The following SLC25A31 variants were observed in gnomAD, a reference collection of about 807,000 sequenced individuals.
SLC25A31 encodes the protein ADP/ATP translocase 4.
A neutral mutation model predicts 36.2 loss-of-function variants in SLC25A31; 40 were observed. The observed-to-expected ratio is 1.10, with a 90% CI of 0.86 to 1.44. The LOEUF (loss-of-function observed/expected upper bound fraction) is 1.44. SLC25A31 is among the 40% of genes most tolerant of loss of function. The pLI, the probability that SLC25A31 is intolerant of heterozygous loss-of-function variation, is 0.00. For missense variants in SLC25A31, 350 were observed against 397.1 expected (o/e 0.88, Z 1.01); for synonymous variants, 143 against 149.7 (o/e 0.96, Z 0.32).
intron 5 of SLC25A31, among the ~76,000 whole-genome samples, chr4:127,769,892 G>T (rs1732320200): frequency 6.6e-6 from 1 of 152,198 alleles, no homozygotes; most frequent in Admixed American, 6.5e-5. Flanking sequence ...GGATAGCCAG[G>T]TCATAAGTTT....
chr4:127,735,887 TA>T (rs1480588715), intron 1 of SLC25A31, among the ~76,000 whole-genome samples: 23,693 of 91,334 alleles, frequency 0.26, 3,237 homozygotes, highest in South Asian at 0.46. Context: ...TTTATTTATT[TA>T]TTTATTTATT....
At chr4:127,773,021 G>A (rs1418955864) in intron 5 of SLC25A31, among the ~76,000 whole-genome samples, 2 of 151,960 alleles carry the variant, frequency 1.3e-5, no homozygotes, top group Non-Finnish European at 2.9e-5. Context: ...GGGCTCAAGC[G>A]ATCTTCCTGT....
At chr4:127,760,428 C>A (rs765460761) in intron 2 of SLC25A31, among the ~76,000 whole-genome samples, 1 of 152,150 alleles carries the variant, frequency 6.6e-6, no homozygotes, top group Non-Finnish European at 1.5e-5. Context: ...TTGTTCCAAT[C>A]TAACTCCCAA....
chr4:127,745,844 GT>G (rs1437966577), intron 2 of SLC25A31, among the ~76,000 whole-genome samples: 4 of 152,150 alleles, frequency 2.6e-5, no homozygotes, highest in Non-Finnish European at 5.9e-5. Flanking sequence ...ACATGTGAAG[GT>G]TTGCTTTATA....
rs1295992887 is a variant in SLC25A31 at position 127,767,307 on chromosome 4, TA to T, written c.633+89del. 26 of 1,146,060 alleles carry T rather than the reference TA, an allele frequency of 2.3e-5. No individual in the cohort carries two copies. The African/African-American group carries it at 4.0e-4, about 18-fold the overall frequency. 71.0% of individuals were successfully genotyped at this position (1,146,060 alleles called of 1,614,324 possible). ...ATGTTTTCAGCAGATATGTTACTTT[TA>T]ATTATAAAAATAAAAATCAGTGATG... On this transcript the variant is annotated intron_variant, in intron 4 of 5. Transcript: ENST00000281154.
intron 2 of SLC25A31, among the ~76,000 whole-genome samples, chr4:127,756,210 T>C (rs903032798): frequency 6.6e-6 from 1 of 152,256 alleles, no homozygotes; most frequent in East Asian, 1.9e-4. Context: ...CATGAGCAGA[T>C]GAATGGATAA....
chr4:127,765,425 T>G (rs1196483087), intron 3 of SLC25A31, among the ~76,000 whole-genome samples: 2 of 152,210 alleles, frequency 1.3e-5, no homozygotes, highest in African/African-American at 4.8e-5. Context: ...TTCTGTCATG[T>G]TCTCTTATTG....
Position 127,768,827 on chromosome 4 carries a change from G to A in SLC25A31, c.709G>A (p.Gly237Arg). The change falls in exon 5 of 6, where the codon GGA becomes AGA. Residue 237 changes from glycine to arginine, a missense_variant. Physicochemically the swap from Gly to Arg is moderately radical, Grantham distance 125 (BLOSUM62 -2). Transcript: ENST00000281154. Reference protein sequence around the residue: ...FIAQVVTTCSGILSYPFDTVR... With the variant: ...FIAQVVTTCSRILSYPFDTVR... ...TGCTCAAGTTGTGACTACATGCTCT[G>A]GAATACTTTCTTATCCCTTTGACAC... 6.2e-7 allele frequency: 1 copy of A among 1,608,116 alleles called. No homozygotes were observed. The highest frequency in any genetic ancestry group is 8.5e-7 in the Non-Finnish European group (1 of 1,177,406).
chr4:127,756,574 A>G (rs1732034908), intron 2 of SLC25A31, among the ~76,000 whole-genome samples: 1 of 152,198 alleles, frequency 6.6e-6, no homozygotes, highest in South Asian at 2.1e-4. Context: ...CTAAAAGAGT[A>G]TGTTTTAAAT....
intron 2 of SLC25A31, among the ~76,000 whole-genome samples, chr4:127,761,055 T>A (rs2148762250): frequency 6.6e-6 from 1 of 152,302 alleles, no homozygotes; most frequent in African/African-American, 2.4e-5. Flanking sequence ...TCAGTCTTAC[T>A]TGTGGAGGGA....
intron 2 of SLC25A31, among the ~76,000 whole-genome samples, chr4:127,759,546 AC>A: frequency 6.6e-6 from 1 of 152,242 alleles, no homozygotes; most frequent in African/African-American, 2.4e-5. Flanking sequence ...CTAGGAACAA[AC>A]TTTTGATAGG....
At chr4:127,758,269 C>A (rs1732066860) in intron 2 of SLC25A31, among the ~76,000 whole-genome samples, 1 of 152,088 alleles carries the variant, frequency 6.6e-6, no homozygotes, top group Non-Finnish European at 1.5e-5. Context: ...GTTTGTTGGC[C>A]AGTTGTCTGT....
chr4:127,747,095 T>C (rs1407761792), intron 2 of SLC25A31, among the ~76,000 whole-genome samples: 2 of 152,228 alleles, frequency 1.3e-5, no homozygotes, highest in Non-Finnish European at 2.9e-5. Flanking sequence ...ATGTGCAGTT[T>C]TATTTCTGGG....
intron 5 of SLC25A31, among the ~76,000 whole-genome samples, chr4:127,770,337 T>C (rs957965617): frequency 6.6e-6 from 1 of 152,200 alleles, no homozygotes; most frequent in African/African-American, 2.4e-5. Context: ...AAAATAAATA[T>C]GCACTTGAGC....
At chr4:127,755,208 T>C (rs566855848) in intron 2 of SLC25A31, among the ~76,000 whole-genome samples, 1 of 152,308 alleles carries the variant, frequency 6.6e-6, no homozygotes, top group East Asian at 1.9e-4. Flanking sequence ...TCCATGACAT[T>C]GGTCTGAGCC....
At chr4:127,747,018 A>G (rs2148756995) in intron 2 of SLC25A31, among the ~76,000 whole-genome samples, 1 of 152,266 alleles carries the variant, frequency 6.6e-6, no homozygotes, top group Middle Eastern at 3.4e-3. Context: ...ACCACTATTT[A>G]TTGAATAAGG....
intron 5 of SLC25A31, 134 bp downstream of exon 5, chr4:127,769,011 T>A: frequency 1.3e-6 from 1 of 782,516 alleles, no homozygotes; most frequent in Non-Finnish European, 1.9e-6. Context: ...AAATACATGA[T>A]GTATTCTGTC....
At chr4:127,756,408 C>T (rs191724239) in intron 2 of SLC25A31, among the ~76,000 whole-genome samples, 1 of 152,222 alleles carries the variant, frequency 6.6e-6, no homozygotes, top group East Asian at 1.9e-4. Flanking sequence ...GCAAAGTAGA[C>T]TGGTGCTTTC....
chr4:127,755,998 G>A (rs979050566), intron 2 of SLC25A31, among the ~76,000 whole-genome samples: 27 of 150,576 alleles, frequency 1.8e-4, no homozygotes, highest in Non-Finnish European at 3.1e-4. Flanking sequence ...GCGCCATTGC[G>A]CTCCAGCCTG....
Sources: gnomAD v4.1 joint callset for allele counts (sites outside exome capture counted in the v4.1 genomes callset) on GRCh38, gnomAD v4.1.1 for gene constraint, MANE v1.5 for transcripts, NCBI Gene and HGNC (gene_info 2026-07-23, HGNC 2026-07-21) for gene names.